Variants in TASOR observed in about 807,000 individuals in gnomAD.
TASOR encodes the protein transcription activation suppressor, also known as protein TASOR.
In TASOR, 53 loss-of-function variants were observed where a neutral mutation model predicts 178.6. The observed-to-expected ratio is 0.30, with a 90% CI of 0.24 to 0.37. TASOR has a LOEUF of 0.37. Ranked by LOEUF, TASOR falls within the 10% of genes least tolerant of loss-of-function variation. TASOR has a pLI of 1.00. For missense variants in TASOR, 1,815 were observed against 1,971.4 expected (o/e 0.92, Z 1.50); for synonymous variants, 713 against 696.2 (o/e 1.02, Z -0.38).
At chr3:56,657,575 T>A (rs1394517854) in intron 11 of TASOR, among the ~76,000 whole-genome samples, 2 of 152,172 alleles carry the variant, frequency 1.3e-5, no homozygotes, top group African/African-American at 4.8e-5. Context: ...TCCACAATAA[T>A]AAAACTTATT....
rs778365681 is a variant in TASOR at position 56,627,645 on chromosome 3, A to G, written c.3967T>C (p.Phe1323Leu). 1.4e-5 allele frequency: 23 copies of G among 1,613,710 alleles called. No homozygotes were observed. The highest frequency in any genetic ancestry group is 1.9e-5 in the Non-Finnish European group (23 of 1,179,608). ...DVKNHTYNEL[F>L]VSGGFIVSDE... Reference sequence around the variant, plus strand: ...GATACGATAAAACCTCCAGATACAAATAATTCATTGTATGTATGATTTTTA... The same window carrying G: ...GATACGATAAAACCTCCAGATACAAGTAATTCATTGTATGTATGATTTTTA... The change falls in exon 20 of 24, where the codon TTT becomes CTT. Residue 1323 changes from phenylalanine to leucine, a missense_variant. By Grantham distance (22) the Phe-to-Leu change is conservative. Transcript: ENST00000683822.
At chr3:56,631,856 T>C (rs964016854) in intron 18 of TASOR, among the ~76,000 whole-genome samples, 3 of 152,206 alleles carry the variant, frequency 2.0e-5, no homozygotes, top group Admixed American at 1.3e-4. Flanking sequence ...GTGCTGGGAT[T>C]ACAGGCGTGA....
At chr3:56,626,691 C>T (rs150755625) in intron 21 of TASOR, among the ~76,000 whole-genome samples, 1,884 of 151,564 alleles carry the variant, frequency 0.012, 48 homozygotes, top group African/African-American at 0.042. Context: ...TGCAGTGAGG[C>T]GAGATCGTCC....
intron 18 of TASOR, among the ~76,000 whole-genome samples, chr3:56,632,009 A>G (rs934866600): frequency 3.3e-5 from 5 of 152,222 alleles, no homozygotes; most frequent in Non-Finnish European, 7.3e-5. Context: ...TTTCTTGATC[A>G]ATAAAGGCTA....
chr3:56,667,166 G>C (rs1489717066), intron 6 of TASOR, among the ~76,000 whole-genome samples: 1 of 152,274 alleles, frequency 6.6e-6, no homozygotes, highest in South Asian at 2.1e-4. Flanking sequence ...CTACTGTCCA[G>C]AGGGTAATCA....
intron 11 of TASOR, among the ~76,000 whole-genome samples, chr3:56,658,398 C>CA (rs2077517250): frequency 6.6e-6 from 1 of 152,192 alleles, no homozygotes; most frequent in African/African-American, 2.4e-5. Context: ...ATAAACCCCT[C>CA]ATTGTCCGAA....
At chr3:56,634,001 C>A (rs1404365207) in intron 17 of TASOR, 35 bp from the exon 18 acceptor site, 18 of 1,441,510 alleles carry the variant, frequency 1.2e-5, no homozygotes, top group Admixed American at 5.5e-5. Flanking sequence ...TAAGAGCAAT[C>A]CAAAAAGATA....
At chr3:56,647,281 C>G in intron 13 of TASOR, 58 bp from the exon 14 acceptor site, 1 of 1,325,540 alleles carries the variant, frequency 7.5e-7, no homozygotes, top group Non-Finnish European at 1.0e-6. Flanking sequence ...AGAAACTAAT[C>G]AAATACAGAT....
In TASOR at chr3:56,662,443, T is replaced by C; in HGVS notation, c.1102A>G (p.Lys368Glu). The change falls in exon 9 of 24, where the codon AAA becomes GAA. Residue 368 changes from lysine (K) to glutamate (E), a missense_variant. By Grantham distance (56) the Lys-to-Glu change is moderately conservative (BLOSUM62 1). Transcript: ENST00000683822. ...CTCAGAGAAATATAACACAAAAGTT[T>C]TCCTTTATTTAAAAGCTGTCCTTTC... is the stretch of plus-strand genomic sequence containing the variant. Reference protein sequence around the residue: ...LWKGQLLNKGKLLCYISLRSA... With the variant: ...LWKGQLLNKGELLCYISLRSA... 1 of 1,547,824 alleles carries C rather than the reference T, an allele frequency of 6.5e-7. No homozygotes were observed. Among genetic ancestry groups the C allele is most frequent in the Non-Finnish European group, 8.7e-7 (1 of 1,145,150 alleles).
chr3:56,673,622 G>A lies in TASOR; in HGVS notation c.435C>T (p.Tyr145=), dbSNP rs1379660969. Residue 145 remains tyrosine, a synonymous_variant, in exon 2 of 24, where the codon TAC becomes TAT. Coordinates refer to ENST00000683822, the MANE Select transcript of TASOR (RefSeq NM_001365635.2). The stretch of plus-strand genomic sequence containing the variant: ...CATTGTGTACCAAGCAAGCACGTCT[G>A]TAGTTAAAATTTGTTACTGAGGTTG... ...LEPTSVTNFN[Y]RRACLVHNEL... 3.2e-6 allele frequency: 5 copies of A among 1,551,024 alleles called. No homozygotes were observed. The Admixed American group carries it at 5.9e-5, about 18-fold the overall frequency.
At chr3:56,627,523 A>G in intron 20 of TASOR, 59 bp downstream of exon 20, 1 of 1,551,008 alleles carries the variant, frequency 6.4e-7, no homozygotes, top group East Asian at 2.2e-5. Context: ...AATGGACAGT[A>G]CATTAAAAAG....
intron 17 of TASOR, among the ~76,000 whole-genome samples, chr3:56,636,571 A>AT (rs1000011993): frequency 2.6e-5 from 4 of 151,566 alleles, no homozygotes; most frequent in African/African-American, 4.8e-5. Flanking sequence ...TGCTCAGCTA[A>AT]TTTTTTTATT....
Position 56,633,355 on chromosome 3 carries a change from T to C in TASOR, c.3436A>G (p.Asn1146Asp), listed in dbSNP as rs1183579370. 1.2e-6 allele frequency: 2 copies of C among 1,614,212 alleles called. No individual in the cohort carries two copies. The highest frequency in any genetic ancestry group is 2.2e-5 in the East Asian group (1 of 44,884). ...PLCSDPLKDT[N>D]SDEQHSTSAL... is the part of the protein sequence containing the mutation. ...GAAGTGGAATGCTGCTCATCAGAGT[T>C]GGTATCTTTCAAAGGATCACTACAC... Residue 1146 changes from asparagine (N) to aspartate (D), a missense_variant, in exon 18 of 24, where the codon AAC becomes GAC. Physicochemically the swap from Asn to Asp is conservative, Grantham distance 23. This residue lies in a region of TASOR where 655 missense variants were observed against 671.1 expected (regional missense o/e 0.98). Coordinates refer to ENST00000683822, the MANE Select transcript of TASOR (RefSeq NM_001365635.2).
At chr3:56,640,431 C>T (rs2077097417) in intron 15 of TASOR, among the ~76,000 whole-genome samples, 1 of 152,148 alleles carries the variant, frequency 6.6e-6, no homozygotes, top group South Asian at 2.1e-4. Context: ...AACAAATGGA[C>T]ACAGCTGTAC....
rs1180721324 is a variant in TASOR at position 56,666,463 on chromosome 3, A to C, written c.898-79T>G. ...TATATTTAACTGCCTGATTTCTGAGAAATAGAAAACCATATATGCACTTCT... is the reference window on the plus strand; with the variant it reads ...TATATTTAACTGCCTGATTTCTGAGCAATAGAAAACCATATATGCACTTCT... On this transcript the variant is annotated intron_variant, in intron 6 of 23. Transcript: ENST00000683822. The C allele has an allele frequency of 2.5e-6, 3 of 1,193,326 alleles. No individual in the cohort carries two copies. In the African/African-American group the frequency reaches 4.7e-5, roughly 19 times the overall value. The allele number at this position is 1,193,326 out of a possible 1,614,324, so 73.9% of individuals were successfully genotyped here.
chr3:56,651,127 C>T (rs1395034090), intron 11 of TASOR, among the ~76,000 whole-genome samples: 1 of 152,082 alleles, frequency 6.6e-6, no homozygotes, highest in Non-Finnish European at 1.5e-5. Context: ...AATCTATGAT[C>T]AGAAACAACA....
At chr3:56,625,446 G>GA (rs1458992278) in intron 21 of TASOR, among the ~76,000 whole-genome samples, 1 of 152,044 alleles carries the variant, frequency 6.6e-6, no homozygotes, top group African/African-American at 2.4e-5. Flanking sequence ...TCAGGAGTTC[G>GA]AGACCAGCCT....
Position 56,662,392 on chromosome 3 carries a change from T to C in TASOR, c.1153A>G (p.Ile385Val), listed in dbSNP as rs1464616924. Residue 385 changes from isoleucine to valine, a missense_variant, in exon 9 of 24, where the codon ATC (isoleucine) becomes GTC (valine). Coordinates refer to ENST00000683822, the MANE Select transcript of TASOR (RefSeq NM_001365635.2). ...LRSATRAFLP[I>V]KLPEKLDVET... ...CTCTTTACTTATACTTACAGTTTGA[T>C]AGGCAAAAAAGCACGAGTGGCTGAC... 6 of 1,538,404 alleles carry C rather than the reference T, an allele frequency of 3.9e-6. No individual in the cohort carries two copies. The highest frequency in any genetic ancestry group is 4.9e-5 in the East Asian group (2 of 40,754).
chr3:56,679,145 T>A (rs1001420359), intron 1 of TASOR, among the ~76,000 whole-genome samples: 1 of 152,220 alleles, frequency 6.6e-6, no homozygotes, highest in African/African-American at 2.4e-5. Context: ...ATTTTCTGAA[T>A]TCACAGCTGA....
Sources: gnomAD v4.1 joint callset for allele counts (sites outside exome capture counted in the v4.1 genomes callset) on GRCh38, gnomAD v4.1.1 for gene constraint, gnomAD v4.1.1 regional missense constraint, MANE v1.5 for transcripts, NCBI Gene and HGNC (gene_info 2026-07-23, HGNC 2026-07-21) for gene names.